The following TAFA4 variants were observed in gnomAD, a reference collection of about 807,000 sequenced individuals.
TAFA4 encodes the protein chemokine-like protein TAFA-4.
In TAFA4, 20 loss-of-function variants were observed where a neutral mutation model predicts 21.1. The observed-to-expected ratio is 0.95, with a 90% CI of 0.67 to 1.38. The LOEUF (loss-of-function observed/expected upper bound fraction) is 1.38, where lower values mean the gene tolerates loss of function less well. TAFA4 is among the 40% of genes most tolerant of loss of function. The pLI, the probability that TAFA4 is intolerant of heterozygous loss-of-function variation, is 0.00. For synonymous variants in TAFA4, 71 were observed against 67.4 expected (o/e 1.05, Z -0.26); for missense variants, 211 against 180.9 (o/e 1.17, Z -0.95).
intron 1 of TAFA4, among the ~76,000 whole-genome samples, chr3:68,922,851 G>C (rs989336097): frequency 2.0e-5 from 3 of 152,132 alleles, no homozygotes. Flanking sequence ...GCTGGCTCAT[G>C]ACTTTTCCCC....
intron 1 of TAFA4, among the ~76,000 whole-genome samples, chr3:68,908,796 T>A (rs2089928214): frequency 6.6e-6 from 1 of 152,206 alleles, no homozygotes; most frequent in African/African-American, 2.4e-5. Context: ...AAGGGCTAGT[T>A]CAGTTATACT....
intron 1 of TAFA4, among the ~76,000 whole-genome samples, chr3:68,903,093 A>G (rs941764450): frequency 2.0e-5 from 3 of 152,184 alleles, no homozygotes; most frequent in African/African-American, 7.2e-5. Context: ...TCCTGTAACA[A>G]TGGCAGGCAC....
At chr3:68,854,290 G>A (rs1468887681) in intron 3 of TAFA4, among the ~76,000 whole-genome samples, 2 of 152,008 alleles carry the variant, frequency 1.3e-5, no homozygotes, top group African/African-American at 4.8e-5. Flanking sequence ...AGGTGAACAA[G>A]AAGAGAATGG....
chr3:68,752,747 A>C, intron 4 of TAFA4, 116 bp downstream of exon 4: 1 of 1,257,156 alleles, frequency 8.0e-7, no homozygotes, highest in Non-Finnish European at 1.1e-6. Flanking sequence ...TTGGATTGAC[A>C]CTGATCTCAA....
At chr3:68,738,999 G>A in intron 5 of TAFA4, 76 bp downstream of exon 5, 1 of 1,580,220 alleles carries the variant, frequency 6.3e-7, no homozygotes, top group Non-Finnish European at 8.6e-7. Flanking sequence ...TGTTCTTGAT[G>A]GCAGAATAAA....
intron 3 of TAFA4, among the ~76,000 whole-genome samples, chr3:68,869,315 C>G (rs546038834): frequency 2.0e-5 from 3 of 151,710 alleles, no homozygotes; most frequent in Non-Finnish European, 4.4e-5. Flanking sequence ...TATACTCAAA[C>G]TATTCAAAAA....
chr3:68,804,350 A>G (rs1051330396), intron 3 of TAFA4, among the ~76,000 whole-genome samples: 6 of 152,158 alleles, frequency 3.9e-5, no homozygotes, highest in Non-Finnish European at 8.8e-5. Flanking sequence ...GGAAAAATCA[A>G]CATCGTGAAA....
intron 3 of TAFA4, among the ~76,000 whole-genome samples, chr3:68,870,280 T>C (rs2089467773): frequency 6.6e-6 from 1 of 152,068 alleles, no homozygotes; most frequent in South Asian, 2.1e-4. Flanking sequence ...CTACCCAAAG[T>C]GGTCTATAGA....
rs565213308 is a variant in TAFA4 at position 68,858,102 on chromosome 3, A to G, written c.130+22628T>C. 5.3e-5 allele frequency among the ~76,000 whole-genome samples: 8 copies of G among 152,278 alleles called. No individual in the cohort carries two copies. In the South Asian group the frequency reaches 1.7e-3, roughly 32 times the overall value. ...CAGCAATCAGTATGGCAGTGTCGCC[A>G]TCTTTCCAGGTGGAGCCAGGGAGCC... On this transcript the variant is annotated intron_variant, in intron 3 of 5. Coordinates refer to ENST00000295569, the MANE Select transcript of TAFA4 (RefSeq NM_182522.5).
At chr3:68,843,036 A>G (rs1160179265) in intron 3 of TAFA4, among the ~76,000 whole-genome samples, 1 of 152,218 alleles carries the variant, frequency 6.6e-6, no homozygotes, top group Non-Finnish European at 1.5e-5. Context: ...TCAGTTCCAT[A>G]TAAAATTTCA....
intron 1 of TAFA4, among the ~76,000 whole-genome samples, chr3:68,896,960 A>G (rs932135738): frequency 6.6e-6 from 1 of 152,190 alleles, no homozygotes; most frequent in African/African-American, 2.4e-5. Context: ...CTGGAGTACA[A>G]TGGCGCGATC....
At chr3:68,906,858 T>C (rs1278912085) in intron 1 of TAFA4, among the ~76,000 whole-genome samples, 1 of 151,760 alleles carries the variant, frequency 6.6e-6, no homozygotes. Flanking sequence ...GGAGAAACCC[T>C]ATCTCTTCCA....
rs201550300 is a variant in TAFA4 at position 68,918,269 on chromosome 3, GA to G, written c.-123+13970del. 6.1e-3 allele frequency among the ~76,000 whole-genome samples: 934 copies of G among 152,208 alleles called. 12 individuals are homozygous for G. Among genetic ancestry groups the G allele is most frequent in the African/African-American group, 0.021 (886 of 41,522 alleles). ...GATGGTCAGTGTGGTTACCTCAGAG[GA>G]AGGGGGAGAGGTCGCAAATGACACT... On this transcript the variant is annotated intron_variant, in intron 1 of 5. Coordinates refer to ENST00000295569, the MANE Select transcript of TAFA4 (RefSeq NM_182522.5).
rs1165011482 is a variant in TAFA4 at position 68,732,817 on chromosome 3, A to T, written c.*325T>A. 1 of 311,304 alleles carries T rather than the reference A, an allele frequency of 3.2e-6. No homozygotes were observed. The highest frequency in any genetic ancestry group is 5.9e-6 in the Non-Finnish European group (1 of 170,488). 19.3% of individuals were successfully genotyped at this position (311,304 alleles called of 1,614,324 possible). ...CAAGTTCTTTTGTAAAAGCAGAAAG[A>T]AAGTGAAGAATGAACATGCCCTTAG... On this transcript the variant is annotated 3_prime_UTR_variant, in exon 6 of 6. Coordinates refer to ENST00000295569, the MANE Select transcript of TAFA4 (RefSeq NM_182522.5).
chr3:68,894,126 C>A (rs1012811192), intron 1 of TAFA4, among the ~76,000 whole-genome samples: 1 of 150,786 alleles, frequency 6.6e-6, no homozygotes, highest in Non-Finnish European at 1.5e-5. Context: ...TAATGGGATT[C>A]AGTATTTGTT....
intron 3 of TAFA4, among the ~76,000 whole-genome samples, chr3:68,793,326 T>C (rs1333277843): frequency 6.6e-6 from 1 of 152,150 alleles, no homozygotes; most frequent in Non-Finnish European, 1.5e-5. Flanking sequence ...ATATGGACAA[T>C]AACTGCACTC....
At chr3:68,849,892 G>C (rs1305580883) in intron 3 of TAFA4, among the ~76,000 whole-genome samples, 1 of 152,108 alleles carries the variant, frequency 6.6e-6, no homozygotes, top group African/African-American at 2.4e-5. Context: ...CCATTCTTCA[G>C]TCCTTCGAAG....
intron 1 of TAFA4, among the ~76,000 whole-genome samples, chr3:68,892,743 T>C (rs886750430): frequency 5.3e-5 from 8 of 152,206 alleles, no homozygotes; most frequent in African/African-American, 1.7e-4. Flanking sequence ...AGTGCACTGA[T>C]AAATTCCTTC....
At chr3:68,924,409 T>C (rs933312641) in intron 1 of TAFA4, among the ~76,000 whole-genome samples, 3 of 152,150 alleles carry the variant, frequency 2.0e-5, no homozygotes, top group African/African-American at 7.2e-5. Flanking sequence ...TCTCCATTTA[T>C]ATAAGGTACC....
Sources: gnomAD v4.1 joint callset for allele counts (sites outside exome capture counted in the v4.1 genomes callset) on GRCh38, gnomAD v4.1.1 for gene constraint, MANE v1.5 for transcripts, NCBI Gene and HGNC (gene_info 2026-07-23, HGNC 2026-07-21) for gene names.